SEPTIN12: variants seen among roughly 807,000 people sequenced by gnomAD.
SEPTIN12 encodes the protein septin-12.
A neutral mutation model predicts 37.7 loss-of-function variants in SEPTIN12; 42 were observed. The observed-to-expected ratio is 1.11, with a 90% CI of 0.87 to 1.44. The LOEUF (loss-of-function observed/expected upper bound fraction) is 1.44, where lower values mean the gene tolerates loss of function less well. SEPTIN12 is among the 40% of genes most tolerant of loss of function. The pLI, the probability that SEPTIN12 is intolerant of heterozygous loss-of-function variation, is 0.00. For synonymous variants in SEPTIN12, 254 were observed against 196.7 expected, an observed-to-expected ratio of 1.29 and a Z score of -2.44; for missense variants, 613 against 479.2, an observed-to-expected ratio of 1.28 and a Z score of -2.61.
chr16:4,779,366 T>TA (rs2082347768), intron 8 of SEPTIN12, among the ~76,000 whole-genome samples: 2 of 152,124 alleles, frequency 1.3e-5, no homozygotes, highest in Admixed American at 6.6e-5. Flanking sequence ...CGGTGCCTGA[T>TA]ACACAGTAGG....
In SEPTIN12 at chr16:4,787,582, G is replaced by A. The variant is rs772998804; in HGVS notation, c.64C>T (p.Pro22Ser). The A allele has an allele frequency of 7.5e-6, 12 of 1,608,432 alleles. No individual in the cohort carries two copies. In the Admixed American group the frequency reaches 2.0e-4, roughly 27 times the overall value. ...LSSQPSSPST[P>S]PCEMLGPVGI... The stretch of plus-strand genomic sequence containing the variant: ...ACAGGACCAAGCATCTCGCAGGGTG[G>A]GGTGCTGGGGCTGGAGGGCTGCGAG... The change falls in exon 2 of 10, where the codon CCA becomes TCA. Residue 22 changes from proline (P) to serine (S), a missense_variant. Pro to Ser is a moderately conservative substitution (Grantham distance 74). Transcript: ENST00000268231.
Position 4,783,999 on chromosome 16 carries a change from G to A in SEPTIN12, c.444C>T (p.Thr148=). Residue 148 remains threonine, a synonymous_variant, in exon 5 of 10, where the codon ACC becomes ACT. Transcript: ENST00000268231. The stretch of plus-strand genomic sequence containing the variant: ...GGGTGTCTGGGATGTGGCGCTGGCG[G>A]GTGATGAGGATCTCCTCCTGCAGGT... ...EQYLQEEILI[T]RQRHIPDTRV... is the part of the protein sequence containing the mutation. The A allele has an allele frequency of 6.2e-7, 1 of 1,614,196 alleles. No individual in the cohort carries two copies. The highest frequency in any genetic ancestry group is 1.1e-5 in the South Asian group (1 of 91,088).
intron 7 of SEPTIN12, among the ~76,000 whole-genome samples, chr16:4,780,053 G>A (rs890063940): frequency 2.6e-5 from 4 of 151,840 alleles, no homozygotes; most frequent in Admixed American, 2.6e-4. Context: ...ACCAGCCTGG[G>A]CAACATGGTG....
intron 7 of SEPTIN12, 101 bp downstream of exon 7, chr16:4,783,361 G>A (rs774141783): frequency 2.2e-6 from 2 of 915,636 alleles, no homozygotes; most frequent in Admixed American, 3.5e-5. Flanking sequence ...CTAGGAATAT[G>A]TGCACATTTC....
upstream of SEPTIN12, among the ~76,000 whole-genome samples, chr16:4,790,475 G>C (rs550265007): frequency 1.1e-3 from 171 of 152,264 alleles, no homozygotes; most frequent in Non-Finnish European, 1.8e-3. Context: ...CCTTCCTGGA[G>C]GCTTAACCTT....
intron 8 of SEPTIN12, among the ~76,000 whole-genome samples, chr16:4,778,529 G>A (rs867336813): frequency 1.1e-4 from 16 of 152,148 alleles, no homozygotes; most frequent in African/African-American, 3.9e-4. Flanking sequence ...GGCTGGGCGC[G>A]GTGGCTCACG....
rs945413349 is a variant in SEPTIN12 at position 4,777,624 on chromosome 16, C to A, written c.*173G>T. ...GCCTGGGTAACAGAGTGACACCCAGCCTTTTTATTTGTGGATAGCTCAAAG... is the reference window on the plus strand; with the variant it reads ...GCCTGGGTAACAGAGTGACACCCAGACTTTTTATTTGTGGATAGCTCAAAG... On this transcript the variant is annotated 3_prime_UTR_variant, in exon 10 of 10. Coordinates refer to ENST00000268231, the MANE Select transcript of SEPTIN12 (RefSeq NM_144605.5). 8.5e-6 allele frequency: 5 copies of A among 589,934 alleles called. No homozygotes were observed. In the East Asian group the frequency reaches 8.7e-5, roughly 10 times the overall value. The allele number at this position is 589,934 out of a possible 1,614,324, so 36.5% of individuals were successfully genotyped here. A position where few individuals can be genotyped will look rare whatever the true frequency, so the allele number is the denominator to read the frequency against.
At chr16:4,787,420 A>T (rs1596259639) in intron 2 of SEPTIN12, 60 bp downstream of exon 2, 1 of 1,517,104 alleles carries the variant, frequency 6.6e-7, no homozygotes, top group East Asian at 2.3e-5. Context: ...GTGAGGCCAC[A>T]CGCCCAGGCA....
chr16:4,788,177 CAG>C (rs142646792), intron 1 of SEPTIN12, 101 bp downstream of exon 1: 34 of 155,974 alleles, frequency 2.2e-4, no homozygotes, highest in Middle Eastern at 3.2e-3. Context: ...GTGACGGAGA[CAG>C]AGAGAGAGAG....
chr16:4,779,121 C>G (rs8055698), intron 8 of SEPTIN12, among the ~76,000 whole-genome samples: 44,086 of 150,440 alleles, frequency 0.29, 6,823 homozygotes, highest in South Asian at 0.41. Flanking sequence ...TCGGGTGACA[C>G]TGCGAGACTC....
intron 7 of SEPTIN12, among the ~76,000 whole-genome samples, chr16:4,781,645 AT>A (rs35411843): frequency 4.9e-3 from 665 of 134,626 alleles, no homozygotes; most frequent in East Asian, 9.4e-3. Flanking sequence ...ACAGTGCTTC[AT>A]TTTTTTTTTT....
intron 7 of SEPTIN12, among the ~76,000 whole-genome samples, chr16:4,781,207 G>A (rs761599358): frequency 1.3e-5 from 2 of 151,438 alleles, no homozygotes; most frequent in Non-Finnish European, 2.9e-5. Flanking sequence ...TGCAGTGAGC[G>A]GAGATCACGC....
chr16:4,783,278 T>C, intron 7 of SEPTIN12, 184 bp downstream of exon 7: 1 of 617,046 alleles, frequency 1.6e-6, no homozygotes, highest in South Asian at 1.9e-5. Context: ...TTTCTCCGAT[T>C]CTGTGGGTTG....
chr16:4,778,261 C>A (rs1017299650), intron 8 of SEPTIN12, 124 bp from the exon 9 acceptor site: 38 of 1,019,256 alleles, frequency 3.7e-5, no homozygotes, highest in Non-Finnish European at 5.6e-5. Flanking sequence ...CCTATCCTGC[C>A]TTCCCTTTGT....
chr16:4,791,065 A>T (rs1335918101), upstream of SEPTIN12, among the ~76,000 whole-genome samples: 1 of 152,188 alleles, frequency 6.6e-6, no homozygotes, highest in Non-Finnish European at 1.5e-5. Flanking sequence ...CAGTAGACGT[A>T]CCTCTGGGGA....
intron 7 of SEPTIN12, 192 bp downstream of exon 7, chr16:4,783,270 T>C: frequency 1.6e-6 from 1 of 609,672 alleles, no homozygotes; most frequent in South Asian, 1.9e-5. Flanking sequence ...GCAGACATTT[T>C]CTCCGATTCT....
Position 4,777,959 on chromosome 16 carries a change from G to A in SEPTIN12, c.915C>T (p.Ile305=), listed in dbSNP as rs772260934. ...TGATGACGCGGTAGTTCTCATAGTG[G>A]ATGTTGTGGGTTATGTCCTTCAGGT... The part of the protein sequence containing the change: ...LQDLKDITHN[I]HYENYRVIRL... Residue 305 remains isoleucine (I), a synonymous_variant, in exon 10 of 10, where the codon ATC becomes ATT. Transcript: ENST00000268231. 3.1e-6 allele frequency: 5 copies of A among 1,611,168 alleles called. No individual in the cohort carries two copies. In the East Asian group the frequency reaches 1.1e-4, roughly 36 times the overall value.
At chr16:4,784,789 AT>A in intron 4 of SEPTIN12, among the ~76,000 whole-genome samples, 2 of 149,868 alleles carry the variant, frequency 1.3e-5, no homozygotes, top group Non-Finnish European at 3.0e-5. Context: ...AAATAAATAA[AT>A]AAATAAATAA....
In SEPTIN12 at chr16:4,787,622, G is replaced by C. The variant is rs545471691; in HGVS notation, c.24C>G (p.Pro8=). The C allele has an allele frequency of 4.9e-5, 79 of 1,598,668 alleles. No individual in the cohort carries two copies. The East Asian group carries it at 1.5e-3, about 30-fold the overall frequency. Residue 8 remains proline (P), a synonymous_variant, in exon 2 of 10, where the codon CCC becomes CCG. Coordinates refer to ENST00000268231, the MANE Select transcript of SEPTIN12 (RefSeq NM_144605.5). ...AGGGCTGCGAGGACAGGCAGGGAGA[G>C]GGGGAGCGCCTCAGGGGGTCCATGG... The part of the protein sequence containing the change: MDPLRRS[P]SPCLSSQPSS...
Sources: allele counts gnomAD v4.1 joint callset (sites outside exome capture counted in the v4.1 genomes callset), GRCh38; gene constraint gnomAD v4.1.1; transcripts MANE v1.5; gene names NCBI Gene and HGNC (gene_info 2026-07-23, HGNC 2026-07-21).